Variants in HLA-DPA1 observed in about 807,000 individuals in gnomAD.
The protein encoded by HLA-DPA1 is HLA class II histocompatibility antigen, DP alpha 1 chain.
Under a neutral mutation model 21.5 loss-of-function variants are expected in HLA-DPA1, and 20 were observed. The ratio of observed to expected loss-of-function variants is 0.93; its 90% confidence interval spans 0.66 to 1.35. The LOEUF (loss-of-function observed/expected upper bound fraction) is 1.35. Ranked by LOEUF, HLA-DPA1 falls within the 40% of genes most tolerant of loss-of-function variation. HLA-DPA1 has a pLI of 0.00. For synonymous variants in HLA-DPA1, 123 were observed against 129.6 expected (o/e 0.95, Z 0.35); for missense variants, 279 against 323.0 (o/e 0.86, Z 1.05).
At chr6:33,076,200 G>T (rs910615918) in intron 1 of HLA-DPA1, 2 of 1,192,844 alleles carry the variant, frequency 1.7e-6, no homozygotes, top group Admixed American at 2.0e-5. Context: ...CCTAGGGGAC[G>T]TTATCTTTAA....
chr6:33,074,275 G>A (rs1762430384), intron 1 of HLA-DPA1, among the ~76,000 whole-genome samples: 1 of 151,792 alleles, frequency 6.6e-6, no homozygotes, highest in Non-Finnish European at 1.5e-5. Flanking sequence ...GATTTTTCCT[G>A]GTATTTAAAC....
intron 1 of HLA-DPA1, among the ~76,000 whole-genome samples, chr6:33,078,619 T>G (rs1156939772): frequency 3.8e-5 from 5 of 132,116 alleles, no homozygotes; most frequent in African/African-American, 1.3e-4. Flanking sequence ...ATAAAGTTTC[T>G]TATATACAAA....
In HLA-DPA1 at chr6:33,073,458, C is replaced by T; in HGVS notation, c.100+13G>A. The T allele has an allele frequency of 2.5e-6, 4 of 1,587,078 alleles. No individual in the cohort carries two copies. Among genetic ancestry groups the T allele is most frequent in the Non-Finnish European group, 2.6e-6 (3 of 1,156,506 alleles). Reference sequence around the variant, plus strand: ...ACTCACCCCGACGCTCCTGCGTCCTCCTGAGCACTCACCCTTGATGGCCCC... The same window carrying T: ...ACTCACCCCGACGCTCCTGCGTCCTTCTGAGCACTCACCCTTGATGGCCCC... On this transcript the variant is annotated intron_variant, in intron 2 of 5. Coordinates refer to ENST00000419277, the Ensembl canonical transcript of HLA-DPA1.
rs1211935956 is a variant in HLA-DPA1, at chr6:33,080,532, T to G, written c.-100+148A>C. On this transcript the variant is annotated intron_variant, in intron 1 of 5. Coordinates refer to ENST00000419277, the Ensembl canonical transcript of HLA-DPA1. The surrounding 1 kb of genome is among the most constrained non-coding windows in gnomAD (Gnocchi z 4.3). ...TGCGACCCGCTTAGGACCACAGAAC[T>G]CGGTACTAGGAAAACTCCTATTTTA... The G allele has an allele frequency of 8.0e-7, 1 of 1,247,814 alleles. No homozygotes were observed. Among genetic ancestry groups the G allele is most frequent in the African/African-American group, 1.5e-5 (1 of 65,906 alleles). 77.3% of individuals were successfully genotyped at this position (1,247,814 alleles called of 1,614,324 possible). A position where few individuals can be genotyped will look rare whatever the true frequency, so the allele number is the denominator to read the frequency against.
chr6:33,075,747 A>C (rs1462020436), intron 1 of HLA-DPA1, among the ~76,000 whole-genome samples: 2 of 152,192 alleles, frequency 1.3e-5, no homozygotes, highest in Non-Finnish European at 1.5e-5. Flanking sequence ...AATCTCCCCA[A>C]ACATCATGAC....
intron 3 of HLA-DPA1, 118 bp from the exon 3 acceptor site, chr6:33,069,418 CAG>C (rs1762143970): frequency 5.4e-6 from 6 of 1,119,990 alleles, no homozygotes; most frequent in Admixed American, 4.5e-5. Context: ...CTCTGAATCA[CAG>C]AGAGGGGTAT....
At chr6:33,076,041 C>T in intron 1 of HLA-DPA1, 9 of 1,610,606 alleles carry the variant, frequency 5.6e-6, no homozygotes, top group Non-Finnish European at 6.8e-6. Context: ...TTTCCAGCTC[C>T]ATGATGGTTC....
intron 2 of HLA-DPA1, among the ~76,000 whole-genome samples, chr6:33,072,596 T>C (rs1376829118): frequency 6.6e-6 from 1 of 152,222 alleles, no homozygotes; most frequent in East Asian, 1.9e-4. Context: ...TGACCTCCTC[T>C]TTATTCTACA....
upstream of HLA-DPA1, chr6:33,080,740 TACA>T: frequency 6.2e-7 from 1 of 1,611,664 alleles, no homozygotes; most frequent in Non-Finnish European, 8.5e-7. The surrounding 1 kb of genome is among the most constrained non-coding windows in gnomAD (Gnocchi z 4.3). Flanking sequence ...CCTGGAGAGA[TACA>T]TCTACAACCG....
At chr6:33,076,533 C>T (rs1357027878) in intron 1 of HLA-DPA1, among the ~76,000 whole-genome samples, 1 of 152,158 alleles carries the variant, frequency 6.6e-6, no homozygotes, top group Non-Finnish European at 1.5e-5. Flanking sequence ...GCTGGAGTGT[C>T]CAGGCTCTGA....
In HLA-DPA1 at chr6:33,069,846, ATGCGTCTG is replaced by A; in HGVS notation, c.133_140del (p.Gln45Ter). ...CAAACATAAACTCCCCTGTTGGTCT[ATGCGTCTG>A]TACAAACGCGGCATAAGTTGACACA... is the stretch of plus-strand genomic sequence containing the variant. On this transcript the variant is annotated frameshift_variant, in exon 3 of 6. Transcript: ENST00000419277. LOFTEE classifies it high-confidence loss of function. 6.2e-7 allele frequency: 1 copy of A among 1,610,376 alleles called. No homozygotes were observed.
At position 33,080,562 on chromosome 6, in the gene HLA-DPA1, C is replaced by G. The variant is rs754923141; in HGVS notation, c.-100+118G>C. The G allele has an allele frequency of 6.6e-7, 1 of 1,520,658 alleles. No individual in the cohort carries two copies. The highest frequency in any genetic ancestry group is 1.4e-5 in the African/African-American group (1 of 72,110). 94.2% of individuals were successfully genotyped at this position (1,520,658 alleles called of 1,614,324 possible). On this transcript the variant is annotated intron_variant, in intron 1 of 5. Transcript: ENST00000419277. This position sits in a 1 kb window ranked among gnomAD's most constrained non-coding sequence, Gnocchi z 4.3. ...ACTAGGAAAACTCCTATTTTAAAAT[C>G]CAGCCCTGGGTGGGAAGATTTGGGA...
At chr6:33,070,174 G>A (rs547261219) in intron 2 of HLA-DPA1, among the ~76,000 whole-genome samples, 7 of 152,292 alleles carry the variant, frequency 4.6e-5, no homozygotes, top group African/African-American at 1.7e-4. Flanking sequence ...CTACACAATA[G>A]TAATAGTAAC....
At chr6:33,076,993 A>C (rs568204871) in intron 1 of HLA-DPA1, among the ~76,000 whole-genome samples, 1 of 151,910 alleles carries the variant, frequency 6.6e-6, no homozygotes, top group Non-Finnish European at 1.5e-5. Context: ...ATATGTATAC[A>C]TGTGCCATGT....
rs551644816 is a variant in HLA-DPA1, at chr6:33,071,160, T to A, written c.101-1274A>T. ...TTGGCCACTTACAGTGACAGGAGAA[T>A]GACTCCTTGCCACTGTAATTGTAAG... On this transcript the variant is annotated intron_variant, in intron 2 of 5. Coordinates refer to ENST00000419277, the Ensembl canonical transcript of HLA-DPA1. Among the ~76,000 whole-genome samples the A allele has an allele frequency of 2.0e-5, 3 of 149,800 alleles. No homozygotes were observed. In the East Asian group the frequency reaches 6.0e-4, roughly 30 times the overall value.
intron 5 of HLA-DPA1, chr6:33,067,266 G>A (rs1435783927): frequency 6.6e-6 from 1 of 151,392 alleles, no homozygotes; most frequent in East Asian, 2.0e-4. Flanking sequence ...GGTGGGGCCT[G>A]GTGGGAGGTA....
In HLA-DPA1 at chr6:33,080,691, A is replaced by G. The variant is rs780390413; in HGVS notation, c.-111T>C. The G allele has an allele frequency of 6.2e-7, 1 of 1,612,752 alleles. No homozygotes were observed. Among genetic ancestry groups the G allele is most frequent in the Non-Finnish European group, 8.5e-7 (1 of 1,179,624 alleles). ...CCGCAGAGAATTACCTTTTCCAGGG[A>G]CGGCAGGAATGCTACGCGTTTAATG... On this transcript the variant is annotated 5_prime_UTR_variant, in exon 1 of 6. Coordinates refer to ENST00000419277, the Ensembl canonical transcript of HLA-DPA1. The surrounding 1 kb of genome is among the most constrained non-coding windows in gnomAD (Gnocchi z 4.3).
chr6:33,077,628 ATT>A (rs1762612264), intron 1 of HLA-DPA1, among the ~76,000 whole-genome samples: 2 of 152,212 alleles, frequency 1.3e-5, no homozygotes, highest in Non-Finnish European at 2.9e-5. Flanking sequence ...TAGTTCAACC[ATT>A]GTACTCTCAG....
At chr6:33,072,115 A>C (rs1762309913) in intron 2 of HLA-DPA1, among the ~76,000 whole-genome samples, 1 of 152,220 alleles carries the variant, frequency 6.6e-6, no homozygotes, top group South Asian at 2.1e-4. Flanking sequence ...GGAGAAAAAT[A>C]AGGACAGGGT....
Sources: allele counts gnomAD v4.1 joint callset (sites outside exome capture counted in the v4.1 genomes callset), GRCh38; gene constraint gnomAD v4.1.1; non-coding constraint Gnocchi (gnomAD v3.1); transcripts MANE v1.5; gene names NCBI Gene and HGNC (gene_info 2026-07-23, HGNC 2026-07-21).